ARHGAP32: variants seen among roughly 807,000 people sequenced by gnomAD.
The protein encoded by ARHGAP32 is rho GTPase-activating protein 32.
In ARHGAP32, 51 loss-of-function variants were observed where a neutral mutation model predicts 186.5. The observed-to-expected ratio is 0.27, with a 90% CI of 0.22 to 0.35. The LOEUF (loss-of-function observed/expected upper bound fraction) is 0.35. ARHGAP32 is among the 10% of genes least tolerant of loss of function. The probability of loss-of-function intolerance (pLI) is 1.00; values close to 1 mark genes in which losing one functional copy is unlikely to be tolerated. For missense variants in ARHGAP32, 2,186 were observed against 2,623.5 expected, an observed-to-expected ratio of 0.83 and a Z score of 3.64; for synonymous variants, 950 against 964.3, an observed-to-expected ratio of 0.99 and a Z score of 0.27.
At chr11:128,975,868 G>A (rs1945528410) in intron 20 of ARHGAP32, among the ~76,000 whole-genome samples, 1 of 152,054 alleles carries the variant, frequency 6.6e-6, no homozygotes, top group South Asian at 2.1e-4. Context: ...GGCCTAAGTG[G>A]CAAAACCCCG....
At chr11:129,194,674 CG>C (rs1944368178), upstream of ARHGAP32, among the ~76,000 whole-genome samples, 1 of 151,504 alleles carries the variant, frequency 6.6e-6, no homozygotes, top group South Asian at 2.1e-4. Flanking sequence ...CGCTTGAACC[CG>C]GGAGGTGGAG....
chr11:129,177,025 T>C (rs1262002762), intron 1 of ARHGAP32, among the ~76,000 whole-genome samples: 2 of 148,390 alleles, frequency 1.3e-5, no homozygotes, highest in Non-Finnish European at 3.0e-5. Context: ...ATCAACAAAA[T>C]GGATAGACCG....
chr11:129,086,568 T>A (rs1941402302), intron 6 of ARHGAP32, among the ~76,000 whole-genome samples: 1 of 152,254 alleles, frequency 6.6e-6, no homozygotes, highest in South Asian at 2.1e-4. Flanking sequence ...ACGCCTGTAA[T>A]CCCAGCACTT....
At chr11:129,105,455 G>C (rs1942022292) in intron 5 of ARHGAP32, among the ~76,000 whole-genome samples, 1 of 152,160 alleles carries the variant, frequency 6.6e-6, no homozygotes, top group African/African-American at 2.4e-5. Context: ...AACACGTAAA[G>C]ACCGGAGAAA....
intron 11 of ARHGAP32, among the ~76,000 whole-genome samples, chr11:129,009,571 A>C (rs536803926): frequency 3.9e-5 from 6 of 152,276 alleles, no homozygotes; most frequent in African/African-American, 1.4e-4. Flanking sequence ...CCCACTTATA[A>C]GTGAGAACAT....
At chr11:129,240,734 T>C (rs1945004209) in intron 1 of ARHGAP32, among the ~76,000 whole-genome samples, 1 of 151,966 alleles carries the variant, frequency 6.6e-6, no homozygotes, top group African/African-American at 2.4e-5. Flanking sequence ...TGCTTGAGAG[T>C]GAGATTAATA....
At chr11:129,204,599 T>C (rs1004890273) in intron 1 of ARHGAP32, among the ~76,000 whole-genome samples, 2 of 152,190 alleles carry the variant, frequency 1.3e-5, no homozygotes, top group African/African-American at 2.4e-5. Flanking sequence ...TGCTTTGAAG[T>C]TGGTTTGAGA....
chr11:129,095,236 G>A (rs1941697953), intron 5 of ARHGAP32, among the ~76,000 whole-genome samples: 1 of 152,206 alleles, frequency 6.6e-6, no homozygotes, highest in Admixed American at 6.5e-5. Flanking sequence ...TGAGACAGAA[G>A]TGACTCAAAG....
At chr11:129,264,319 A>G (rs1241966092) in intron 1 of ARHGAP32, among the ~76,000 whole-genome samples, 1 of 152,224 alleles carries the variant, frequency 6.6e-6, no homozygotes, top group Non-Finnish European at 1.5e-5. Flanking sequence ...TCTATTGCAC[A>G]ATAATGTGAA....
chr11:129,053,707 C>T (rs1405825761), intron 10 of ARHGAP32, among the ~76,000 whole-genome samples: 1 of 152,230 alleles, frequency 6.6e-6, no homozygotes, highest in Non-Finnish European at 1.5e-5. Context: ...TAGTGGTAAG[C>T]ACTTCGAAAA....
chr11:129,268,990 GC>G (rs1945441513), intron 1 of ARHGAP32, among the ~76,000 whole-genome samples: 1 of 152,128 alleles, frequency 6.6e-6, no homozygotes, highest in Non-Finnish European at 1.5e-5. Context: ...TAAACACATG[GC>G]CGGGCACAGT....
chr11:129,239,812 T>C (rs910512676), intron 1 of ARHGAP32, among the ~76,000 whole-genome samples: 11 of 152,034 alleles, frequency 7.2e-5, no homozygotes, highest in African/African-American at 2.7e-4. Context: ...CTCTCTAAAA[T>C]CCAACTCAAA....
chr11:129,239,558 G>C (rs758220197), intron 1 of ARHGAP32, among the ~76,000 whole-genome samples: 10 of 152,094 alleles, frequency 6.6e-5, no homozygotes, highest in Non-Finnish European at 1.2e-4. Flanking sequence ...AATAGAAATT[G>C]GATGATACCA....
intron 20 of ARHGAP32, among the ~76,000 whole-genome samples, chr11:128,975,839 AG>A (rs1219453719): frequency 1.3e-5 from 2 of 152,186 alleles, no homozygotes; most frequent in African/African-American, 2.4e-5. Flanking sequence ...ACCTGAGGTC[AG>A]GAGTTCGAGA....
chr11:129,024,307 G>C (rs1938737062), intron 11 of ARHGAP32: 1 of 231,012 alleles, frequency 4.3e-6, no homozygotes, highest in African/African-American at 2.3e-5. Context: ...GAAAACACCA[G>C]TATGAAATTG....
intron 10 of ARHGAP32, 22 bp downstream of exon 10, chr11:129,062,258 C>A: frequency 6.2e-7 from 1 of 1,608,650 alleles, no homozygotes; most frequent in South Asian, 1.1e-5. Context: ...AATTTTCCCA[C>A]ACCTAATTTG....
chr11:129,020,593 T>C (rs1354939339), intron 11 of ARHGAP32, among the ~76,000 whole-genome samples: 1 of 152,104 alleles, frequency 6.6e-6, no homozygotes, highest in East Asian at 1.9e-4. Flanking sequence ...AAGAGTTTAC[T>C]GCAGTAAAAG....
intron 1 of ARHGAP32, among the ~76,000 whole-genome samples, chr11:129,199,631 T>C (rs1375780400): frequency 6.6e-6 from 1 of 152,234 alleles, no homozygotes; most frequent in Admixed American, 6.5e-5. Context: ...TGAAAACACC[T>C]AGATGTCCAG....
At chr11:129,165,137 C>G (rs1246663847) in intron 1 of ARHGAP32, among the ~76,000 whole-genome samples, 3 of 152,080 alleles carry the variant, frequency 2.0e-5, no homozygotes, top group Non-Finnish European at 4.4e-5. Context: ...GGGAGGAATT[C>G]AGGATGCAAA....
Sources: gnomAD v4.1 joint callset for allele counts (sites outside exome capture counted in the v4.1 genomes callset) on GRCh38, gnomAD v4.1.1 for gene constraint, MANE v1.5 for transcripts, NCBI Gene and HGNC (gene_info 2026-07-23, HGNC 2026-07-21) for gene names.